PARD3B: variants seen among roughly 807,000 people sequenced by gnomAD.
The protein encoded by PARD3B is partitioning defective 3 homolog B.
Under a neutral mutation model 130.2 loss-of-function variants are expected in PARD3B, and 103 were observed. The observed-to-expected ratio is 0.79, with a 90% confidence interval of 0.67 to 0.93. The LOEUF (loss-of-function observed/expected upper bound fraction) is 0.93. Ranked by LOEUF, PARD3B falls within the 40% of genes least tolerant of loss-of-function variation. The pLI, the probability that PARD3B is intolerant of heterozygous loss-of-function variation, is 0.00. For synonymous variants in PARD3B, 583 were observed against 553.2 expected (o/e 1.05, Z -0.76); for missense variants, 1,609 against 1,499.2 (o/e 1.07, Z -1.21).
chr2:204,613,555 G>T (rs776409863), intron 1 of PARD3B, among the ~76,000 whole-genome samples: 2 of 151,886 alleles, frequency 1.3e-5, no homozygotes, highest in African/African-American at 2.4e-5. Flanking sequence ...TTGCGTTTTG[G>T]ACCTTCTGGA....
intron 4 of PARD3B, among the ~76,000 whole-genome samples, chr2:205,083,294 G>T (rs1701542376): frequency 6.9e-6 from 1 of 144,346 alleles, no homozygotes; most frequent in African/African-American, 2.6e-5. Flanking sequence ...ATCTTCAAAA[G>T]ATACATAACC....
intron 2 of PARD3B, among the ~76,000 whole-genome samples, chr2:204,896,327 T>C (rs1206653268): frequency 6.6e-6 from 1 of 152,170 alleles, no homozygotes; most frequent in Non-Finnish European, 1.5e-5. Flanking sequence ...TTGGCCTCCA[T>C]GTCATGCTTC....
Position 205,577,196 on chromosome 2 carries a change from G to T in PARD3B, c.3260+23793G>T, listed in dbSNP as rs541310269. On this transcript the variant is annotated intron_variant, in intron 22 of 22. Coordinates refer to ENST00000406610, the MANE Select transcript of PARD3B (RefSeq NM_001302769.2). ...AATTCCAGGAGGGTTTTTTGTGTGT[G>T]TGTCAGTTCTTTCAGATTTTCTACC... Among the ~76,000 whole-genome samples the T allele has an allele frequency of 2.2e-4, 33 of 152,056 alleles. 1 individual carries two copies. In the South Asian group the frequency reaches 6.8e-3, roughly 32 times the overall value.
At chr2:204,596,731 C>T (rs2033305059) in intron 1 of PARD3B, among the ~76,000 whole-genome samples, 1 of 152,126 alleles carries the variant, frequency 6.6e-6, no homozygotes, top group Non-Finnish European at 1.5e-5. Flanking sequence ...GAGTTCCAGA[C>T]CAGCCTGACC....
intron 2 of PARD3B, among the ~76,000 whole-genome samples, chr2:204,721,869 T>C (rs747459407): frequency 5.9e-5 from 9 of 152,136 alleles, no homozygotes; most frequent in Non-Finnish European, 1.0e-4. Context: ...TTGACCACTT[T>C]TAACAGTGAT....
intron 15 of PARD3B, among the ~76,000 whole-genome samples, chr2:205,238,888 A>ATG (rs2039214166): frequency 1.4e-5 from 1 of 69,476 alleles, no homozygotes; most frequent in African/African-American, 7.5e-5. Flanking sequence ...GTATGTGTGT[A>ATG]TATATATATA....
rs112294912 is a variant in PARD3B at position 204,964,491 on chromosome 2, G to C, written c.223-661G>C. 1.1e-4 allele frequency among the ~76,000 whole-genome samples: 17 copies of C among 152,164 alleles called. 1 individual carries two copies. Among genetic ancestry groups the C allele is most frequent in the Non-Finnish European group, 1.6e-4 (11 of 68,020 alleles). ...TGACATATAATTAGATTAAAAGTAAGGATGTCGAGTCTTATTGGACTTAGC... is the reference window on the plus strand; with the variant it reads ...TGACATATAATTAGATTAAAAGTAACGATGTCGAGTCTTATTGGACTTAGC... On this transcript the variant is annotated intron_variant, in intron 2 of 22. Transcript: ENST00000406610.
intron 18 of PARD3B, among the ~76,000 whole-genome samples, chr2:205,354,020 CTTTTCCTTTTTTTT>C (rs896824849): frequency 1.6e-4 from 18 of 114,590 alleles, no homozygotes; most frequent in Non-Finnish European, 2.8e-4. Context: ...TTTTTCTTTT[CTTTTCCTTTTTTTT>C]TTTTTTTTTT....
intron 3 of PARD3B, among the ~76,000 whole-genome samples, chr2:205,013,094 A>G (rs1447504169): frequency 6.6e-6 from 1 of 152,196 alleles, no homozygotes; most frequent in Admixed American, 6.5e-5. Context: ...CATGCAAGCT[A>G]GAATCTTTCC....
intron 19 of PARD3B, among the ~76,000 whole-genome samples, chr2:205,416,321 A>T (rs1429292476): frequency 1.3e-5 from 2 of 152,176 alleles, no homozygotes; most frequent in Non-Finnish European, 2.9e-5. Context: ...TCCTCTTATG[A>T]GCATCTGATA....
chr2:204,743,563 T>C (rs2040098106), intron 2 of PARD3B, among the ~76,000 whole-genome samples: 1 of 152,170 alleles, frequency 6.6e-6, no homozygotes, highest in South Asian at 2.1e-4. Flanking sequence ...TTTAATGGCG[T>C]TGTAAAAAAT....
At chr2:205,273,831 ATAGT>A (rs1217939206) in intron 16 of PARD3B, among the ~76,000 whole-genome samples, 1 of 152,212 alleles carries the variant, frequency 6.6e-6, no homozygotes, top group Non-Finnish European at 1.5e-5. Context: ...ATTTGTAAAC[ATAGT>A]TAGAAGTTTT....
chr2:205,364,861 CCACTGGTAGTTTTTAAGTCTTTT>C (rs1425282414), intron 18 of PARD3B, among the ~76,000 whole-genome samples: 2 of 152,156 alleles, frequency 1.3e-5, no homozygotes, highest in Non-Finnish European at 2.9e-5. Flanking sequence ...GTTGCTCACT[CCACTGGTAGTTTTTAAGTCTTTT>C]TTACCCCAAG....
chr2:204,955,158 G>A (rs1160666288), intron 2 of PARD3B, among the ~76,000 whole-genome samples: 2 of 152,176 alleles, frequency 1.3e-5, no homozygotes, highest in Non-Finnish European at 1.5e-5. Context: ...CAAATAAGCA[G>A]CGTTCTTCTA....
At chr2:205,130,957 G>GT (rs2031945387) in intron 10 of PARD3B, among the ~76,000 whole-genome samples, 1 of 152,086 alleles carries the variant, frequency 6.6e-6, no homozygotes, top group Non-Finnish European at 1.5e-5. Context: ...ATGGTTACCT[G>GT]TCCCTGTGAC....
At chr2:204,576,058 T>C (rs913440224) in intron 1 of PARD3B, among the ~76,000 whole-genome samples, 9 of 151,996 alleles carry the variant, frequency 5.9e-5, no homozygotes, top group Non-Finnish European at 1.0e-4. Context: ...GGGACCCACT[T>C]CCCCCTAATC....
chr2:205,533,848 C>T (rs922276551), intron 21 of PARD3B, among the ~76,000 whole-genome samples: 2 of 152,100 alleles, frequency 1.3e-5, no homozygotes, highest in Non-Finnish European at 2.9e-5. Flanking sequence ...CCACCTCGGC[C>T]TCCCAAGTAT....
At chr2:205,131,098 T>G in intron 10 of PARD3B, among the ~76,000 whole-genome samples, 1 of 152,232 alleles carries the variant, frequency 6.6e-6, no homozygotes, top group East Asian at 1.9e-4. Flanking sequence ...GAACCTCATT[T>G]AAATGATATA....
chr2:205,549,237 T>C (rs2052511616), intron 21 of PARD3B, among the ~76,000 whole-genome samples: 1 of 152,202 alleles, frequency 6.6e-6, no homozygotes, highest in Non-Finnish European at 1.5e-5. Flanking sequence ...TGGTGGTTTC[T>C]TGCGAAACTA....
Sources: gnomAD v4.1 joint callset for allele counts (sites outside exome capture counted in the v4.1 genomes callset) on GRCh38, gnomAD v4.1.1 for gene constraint, MANE v1.5 for transcripts, NCBI Gene and HGNC (gene_info 2026-07-23, HGNC 2026-07-21) for gene names.